BRINP3: variants seen among roughly 807,000 people sequenced by gnomAD.
BRINP3 encodes the protein BMP/retinoic acid-inducible neural-specific protein 3.
In BRINP3, 19 loss-of-function variants were observed where a neutral mutation model predicts 71.0. The observed-to-expected ratio is 0.27, with a 90% CI of 0.19 to 0.39. The LOEUF is 0.39. Ranked by LOEUF, BRINP3 falls within the 10% of genes least tolerant of loss-of-function variation. The pLI, the probability that BRINP3 is intolerant of heterozygous loss-of-function variation, is 1.00. For missense variants in BRINP3, 959 were observed against 940.8 expected (o/e 1.02, Z -0.25); for synonymous variants, 380 against 337.7 (o/e 1.13, Z -1.37).
intron 6 of BRINP3, among the ~76,000 whole-genome samples, chr1:190,193,100 T>C (rs1321007011): frequency 6.6e-6 from 1 of 152,034 alleles, no homozygotes; most frequent in African/African-American, 2.4e-5. Context: ...TTTTAAATTA[T>C]TTTAGATTTG....
chr1:190,391,651 C>T (rs951260445), intron 2 of BRINP3, among the ~76,000 whole-genome samples: 1 of 151,640 alleles, frequency 6.6e-6, no homozygotes, highest in Non-Finnish European at 1.5e-5. Flanking sequence ...TAGATATAGA[C>T]ATGTTCTTTT....
chr1:190,355,178 A>C (rs1347793797), intron 2 of BRINP3, among the ~76,000 whole-genome samples: 2 of 151,928 alleles, frequency 1.3e-5, no homozygotes, highest in Non-Finnish European at 2.9e-5. Context: ...TTTCTAAAGA[A>C]CTATAAACTA....
chr1:190,142,458 G>C (rs983105889), intron 7 of BRINP3, among the ~76,000 whole-genome samples: 3 of 152,114 alleles, frequency 2.0e-5, no homozygotes, highest in Admixed American at 2.0e-4. Flanking sequence ...CTTTTGCGCT[G>C]GCATTGGAAA....
chr1:190,461,646 T>G (rs907000222), intron 1 of BRINP3, among the ~76,000 whole-genome samples: 1 of 152,144 alleles, frequency 6.6e-6, no homozygotes. Context: ...TAAATGTTGA[T>G]GAAATAAGTA....
intron 3 of BRINP3, among the ~76,000 whole-genome samples, chr1:190,281,247 ACTT>A (rs1267782249): frequency 6.6e-6 from 1 of 151,928 alleles, no homozygotes; most frequent in Non-Finnish European, 1.5e-5. Context: ...CCCACCTGTG[ACTT>A]CTTATTATTC....
At chr1:190,358,558 T>C (rs1558214416) in intron 2 of BRINP3, among the ~76,000 whole-genome samples, 2 of 152,176 alleles carry the variant, frequency 1.3e-5, no homozygotes, top group Non-Finnish European at 2.9e-5. Flanking sequence ...TTTTACACTG[T>C]TGGTGGGACT....
chr1:190,193,736 T>A (rs1045948776), intron 6 of BRINP3, among the ~76,000 whole-genome samples: 2 of 152,104 alleles, frequency 1.3e-5, no homozygotes, highest in African/African-American at 4.8e-5. Context: ...GTAAACTCTT[T>A]CCCTGTTCCT....
intron 3 of BRINP3, among the ~76,000 whole-genome samples, chr1:190,273,416 G>T (rs1662284712): frequency 6.6e-6 from 1 of 151,444 alleles, no homozygotes; most frequent in Non-Finnish European, 1.5e-5. Context: ...GGCAGCAAAA[G>T]GATTAATGAC....
chr1:190,471,648 C>A (rs753526314), intron 1 of BRINP3, among the ~76,000 whole-genome samples: 2 of 151,332 alleles, frequency 1.3e-5, no homozygotes, highest in Non-Finnish European at 3.0e-5. Context: ...AGAAGTTTGA[C>A]TGTCTAAAGT....
At chr1:190,465,532 A>G (rs1214453015) in intron 1 of BRINP3, among the ~76,000 whole-genome samples, 1 of 151,906 alleles carries the variant, frequency 6.6e-6, no homozygotes, top group Admixed American at 6.6e-5. Context: ...ATTCTTCACT[A>G]TCCTGAAGGT....
chr1:190,476,249 A>G (rs1558320787), intron 1 of BRINP3, among the ~76,000 whole-genome samples: 1 of 32,594 alleles, frequency 3.1e-5, no homozygotes, highest in Non-Finnish European at 8.0e-5. Context: ...TTTCCCAGAA[A>G]TTAAAAAAAA....
At chr1:190,365,694 T>C (rs1669445756) in intron 2 of BRINP3, among the ~76,000 whole-genome samples, 1 of 145,688 alleles carries the variant, frequency 6.9e-6, no homozygotes, top group South Asian at 2.1e-4. Flanking sequence ...TAATACACAA[T>C]ATAATATTAT....
At position 190,226,464 on chromosome 1, in the gene BRINP3, A is replaced by ATATTTGC. The variant is rs1657389526; in HGVS notation, c.725-147_725-146insGCAAATA. 6 of 485,400 alleles carry ATATTTGC rather than the reference A, an allele frequency of 1.2e-5. No individual in the cohort carries two copies. The South Asian group carries it at 2.4e-4, about 19-fold the overall frequency. 30.1% of individuals were successfully genotyped at this position (485,400 alleles called of 1,614,324 possible). On this transcript the variant is annotated intron_variant, in intron 5 of 7. Transcript: ENST00000367462. ...TTTTTAAACTATCAGAAAAATATCT[A>ATATTTGC]AGTCTATATGCTGCAAATATTTATA...
chr1:190,293,241 C>G (rs984559169), intron 2 of BRINP3, among the ~76,000 whole-genome samples: 1 of 151,950 alleles, frequency 6.6e-6, no homozygotes, highest in Non-Finnish European at 1.5e-5. Context: ...CATTTTAAGA[C>G]ATTTTAAATT....
intron 2 of BRINP3, among the ~76,000 whole-genome samples, chr1:190,408,235 G>A (rs1197597980): frequency 2.0e-5 from 3 of 150,422 alleles, no homozygotes; most frequent in East Asian, 3.9e-4. Context: ...TAGTAGAGAC[G>A]GGGTTTCACC....
At chr1:190,434,204 C>T (rs1490769455) in intron 2 of BRINP3, among the ~76,000 whole-genome samples, 4 of 151,948 alleles carry the variant, frequency 2.6e-5, no homozygotes, top group Admixed American at 2.0e-4. Context: ...CTGCAGCCTC[C>T]GCCTCCTGGA....
chr1:190,334,667 A>G (rs1044859905), intron 2 of BRINP3, among the ~76,000 whole-genome samples: 29 of 151,830 alleles, frequency 1.9e-4, no homozygotes, highest in Non-Finnish European at 5.9e-5. Flanking sequence ...TATTTTGCTT[A>G]GAAGATGATT....
chr1:190,156,904 C>G (rs1656917186), intron 7 of BRINP3, among the ~76,000 whole-genome samples: 1 of 151,988 alleles, frequency 6.6e-6, no homozygotes, highest in Admixed American at 6.6e-5. Flanking sequence ...CCCACATTTT[C>G]ATTACAAAAC....
chr1:190,139,332 A>G (rs1477291681), intron 7 of BRINP3, among the ~76,000 whole-genome samples: 1 of 151,508 alleles, frequency 6.6e-6, no homozygotes, highest in African/African-American at 2.4e-5. Flanking sequence ...GGTACCTGTA[A>G]TCCCAGCTAC....
Sources: gnomAD v4.1 joint callset for allele counts (sites outside exome capture counted in the v4.1 genomes callset) on GRCh38, gnomAD v4.1.1 for gene constraint, MANE v1.5 for transcripts, NCBI Gene and HGNC (gene_info 2026-07-23, HGNC 2026-07-21) for gene names.